TFEC: variants seen among roughly 807,000 people sequenced by gnomAD.
The protein encoded by TFEC is class E basic helix-loop-helix protein 34.
Under a neutral mutation model 41.6 loss-of-function variants are expected in TFEC, and 31 were observed. The ratio of observed to expected loss-of-function variants is 0.74; its 90% CI spans 0.56 to 1.01. The LOEUF (loss-of-function observed/expected upper bound fraction) is 1.01. Among genes scored for constraint, TFEC ranks in the 50% least tolerant of loss-of-function variants. The probability of loss-of-function intolerance (pLI) is 0.00; values close to 1 mark genes in which losing one functional copy is unlikely to be tolerated. For synonymous variants in TFEC, 143 were observed against 140.6 expected (o/e 1.02, Z -0.12); for missense variants, 402 against 404.1 (o/e 0.99, Z 0.04).
intron 3 of TFEC, among the ~76,000 whole-genome samples, chr7:116,050,061 T>C (rs1796270213): frequency 6.6e-6 from 1 of 151,816 alleles, no homozygotes; most frequent in Admixed American, 6.6e-5. Context: ...AACAACACAA[T>C]TAAAAGAACT....
chr7:115,968,292 T>G, intron 3 of TFEC: 1 of 1,517,016 alleles, frequency 6.6e-7, no homozygotes, highest in Admixed American at 2.1e-5. Flanking sequence ...AAGAGAACTG[T>G]GTGGAAACTT....
At chr7:116,058,480 G>T (rs1206138374) in intron 3 of TFEC, among the ~76,000 whole-genome samples, 3 of 151,412 alleles carry the variant, frequency 2.0e-5, no homozygotes, top group Non-Finnish European at 4.4e-5. Context: ...ATTAATGATA[G>T]AATAAAAGGA....
chr7:116,013,782 T>G (rs937415747), intron 1 of TFEC, among the ~76,000 whole-genome samples: 15 of 152,134 alleles, frequency 9.9e-5, no homozygotes, highest in African/African-American at 3.6e-4. Flanking sequence ...TCAACTGACC[T>G]CACTTTCTGG....
chr7:116,004,963 T>C (rs372610045), intron 1 of TFEC, among the ~76,000 whole-genome samples: 13 of 152,318 alleles, frequency 8.5e-5, no homozygotes, highest in African/African-American at 3.1e-4. Context: ...GTAAGTCTCA[T>C]GAGACCTGAC....
chr7:116,144,100 C>A (rs1798594142), intron 1 of TFEC, among the ~76,000 whole-genome samples: 1 of 152,086 alleles, frequency 6.6e-6, no homozygotes, highest in Non-Finnish European at 1.5e-5. Context: ...CGCCTGTAAT[C>A]CCAGCTACTC....
upstream of TFEC, among the ~76,000 whole-genome samples, chr7:116,035,576 T>G (rs1795890543): frequency 6.6e-6 from 1 of 152,040 alleles, no homozygotes; most frequent in South Asian, 2.1e-4. Context: ...TGAAAAAGCA[T>G]AGCCAAAATA....
At chr7:115,991,560 A>T (rs1020518433) in intron 1 of TFEC, among the ~76,000 whole-genome samples, 1 of 152,196 alleles carries the variant, frequency 6.6e-6, no homozygotes. Flanking sequence ...AACAAAAAAA[A>T]GGAGGGGTTG....
intron 3 of TFEC, among the ~76,000 whole-genome samples, chr7:116,064,279 A>G (rs1796640650): frequency 6.6e-6 from 1 of 151,996 alleles, no homozygotes; most frequent in Admixed American, 6.6e-5. Context: ...AATTAGCTTG[A>G]TGGAGCCATT....
At chr7:116,076,544 A>G (rs529731460) in intron 3 of TFEC, among the ~76,000 whole-genome samples, 50 of 152,160 alleles carry the variant, frequency 3.3e-4, no homozygotes, top group African/African-American at 1.1e-3. Context: ...ATATGAAGGG[A>G]AAAATCTTCA....
chr7:115,984,350 G>A lies in TFEC; in HGVS notation c.92C>T (p.Thr31Ile). The A allele has an allele frequency of 2.5e-6, 4 of 1,614,136 alleles. No individual in the cohort carries two copies. The highest frequency in any genetic ancestry group is 3.4e-6 in the Non-Finnish European group (4 of 1,179,974). ...SGGPLVQHAH[T>I]TLDSDAGLTE... ...GAGGCCAGCATCACTGTCCAGAGTT[G>A]TGTGTGCATGCTGCACAAGAGGCCC... The change falls in exon 2 of 8, where the codon ACA becomes ATA. Residue 31 changes from threonine to isoleucine, a missense_variant. Coordinates refer to ENST00000265440, the MANE Select transcript of TFEC (RefSeq NM_012252.4).
intron 6 of TFEC, among the ~76,000 whole-genome samples, chr7:115,946,075 T>C (rs1387793558): frequency 6.6e-6 from 1 of 151,762 alleles, no homozygotes; most frequent in African/African-American, 2.4e-5. Context: ...GGAGTAATAA[T>C]CTCTCATAAA....
chr7:115,950,617 G>A (rs1204543448), intron 6 of TFEC, among the ~76,000 whole-genome samples: 2 of 152,106 alleles, frequency 1.3e-5, no homozygotes, highest in Non-Finnish European at 2.9e-5. Context: ...TCACCATACA[G>A]AAAGACTCAC....
intron 1 of TFEC, among the ~76,000 whole-genome samples, chr7:116,147,409 A>G (rs955001531): frequency 6.6e-6 from 1 of 151,696 alleles, no homozygotes; most frequent in South Asian, 2.1e-4. Context: ...ATCTTTTTAT[A>G]TTTTTTTTAT....
At chr7:116,063,654 A>G (rs1183310919) in intron 3 of TFEC, among the ~76,000 whole-genome samples, 7 of 152,088 alleles carry the variant, frequency 4.6e-5, no homozygotes, top group African/African-American at 1.4e-4. Flanking sequence ...GATGATGGAT[A>G]TATTTACTAT....
intron 5 of TFEC, 61 bp downstream of exon 5, chr7:115,954,525 A>G (rs1196690860): frequency 7.2e-7 from 1 of 1,388,362 alleles, no homozygotes; most frequent in Non-Finnish European, 9.8e-7. Flanking sequence ...AAAAGACCAC[A>G]CACCTTAACC....
chr7:116,025,073 A>G (rs1220623539), intron 1 of TFEC, among the ~76,000 whole-genome samples: 2 of 152,210 alleles, frequency 1.3e-5, no homozygotes, highest in African/African-American at 4.8e-5. Context: ...ATATAAAAAC[A>G]AATGGAGATG....
At chr7:116,107,118 T>G (rs1797736423) in intron 3 of TFEC, among the ~76,000 whole-genome samples, 1 of 152,150 alleles carries the variant, frequency 6.6e-6, no homozygotes, top group Non-Finnish European at 1.5e-5. Flanking sequence ...TCACCTAGGG[T>G]GTTAAATGGT....
At chr7:116,065,709 C>T (rs1025055014) in intron 3 of TFEC, among the ~76,000 whole-genome samples, 1 of 152,056 alleles carries the variant, frequency 6.6e-6, no homozygotes, top group Non-Finnish European at 1.5e-5. Context: ...CCTTGTTGAA[C>T]CATTTGAGTA....
intron 3 of TFEC, among the ~76,000 whole-genome samples, chr7:116,040,755 C>T (rs1278903773): frequency 1.3e-5 from 2 of 152,116 alleles, no homozygotes; most frequent in Non-Finnish European, 2.9e-5. Flanking sequence ...TTTTCCCAGC[C>T]CCATCTCTGC....
Sources: gnomAD v4.1 joint callset for allele counts (sites outside exome capture counted in the v4.1 genomes callset) on GRCh38, gnomAD v4.1.1 for gene constraint, MANE v1.5 for transcripts, NCBI Gene and HGNC (gene_info 2026-07-23, HGNC 2026-07-21) for gene names.